The following PIK3C2G variants were observed in gnomAD, a reference collection of about 807,000 sequenced individuals.
PIK3C2G encodes phosphatidylinositol 3-kinase C2 domain-containing subunit gamma.
A neutral mutation model predicts 181.1 loss-of-function variants in PIK3C2G; 168 were observed. That is an observed-to-expected ratio of 0.93 (90% CI 0.82 to 1.05). The LOEUF (loss-of-function observed/expected upper bound fraction) is 1.05. Among genes scored for constraint, PIK3C2G ranks in the 50% least tolerant of loss-of-function variants. The pLI is 0.00. For missense variants in PIK3C2G, 1,869 were observed against 1,732.8 expected (o/e 1.08, Z -1.40); for synonymous variants, 573 against 592.2 (o/e 0.97, Z 0.47).
In PIK3C2G at chr12:18,599,340, C is replaced by A. The variant is rs866723521; in HGVS notation, c.4087+4771C>A. Among the ~76,000 whole-genome samples the A allele has an allele frequency of 6.1e-3, 921 of 152,182 alleles. 2 individuals carry two copies. The highest frequency in any genetic ancestry group is 0.01 in the Middle Eastern group (3 of 294). On this transcript the variant is annotated intron_variant, in intron 30 of 32. Transcript: ENST00000538779. Reference sequence around the variant, plus strand: ...GCCATAAAAAATGATGAGTTCATGTCCTTTGTAGGGACATGGATGAAATTG... The same window carrying A: ...GCCATAAAAAATGATGAGTTCATGTACTTTGTAGGGACATGGATGAAATTG...
At chr12:18,421,392 A>T (rs1945480121) in intron 17 of PIK3C2G, among the ~76,000 whole-genome samples, 1 of 152,046 alleles carries the variant, frequency 6.6e-6, no homozygotes, top group African/African-American at 2.4e-5. Context: ...TTCATAATTT[A>T]TGAGTTTCTT....
At chr12:18,357,298 G>GGTGT (rs368517946) in intron 11 of PIK3C2G, among the ~76,000 whole-genome samples, 2 of 150,546 alleles carry the variant, frequency 1.3e-5, no homozygotes, top group Non-Finnish European at 3.0e-5. Flanking sequence ...AGGAGGTGTG[G>GGTGT]GTGTGTGTGT....
rs913034715 is a variant in PIK3C2G, at chr12:18,592,765, T to C, written c.4012-1729T>C. On this transcript the variant is annotated intron_variant, in intron 29 of 32. Transcript: ENST00000538779. ...TTGACAGAATTGACCATATTTTATGTTGATGAGGAAAAACGGAAGAAGAGT... is the reference window on the plus strand; with the variant it reads ...TTGACAGAATTGACCATATTTTATGCTGATGAGGAAAAACGGAAGAAGAGT... Among the ~76,000 whole-genome samples, 7 of 152,076 alleles carry C rather than the reference T, an allele frequency of 4.6e-5. No homozygotes were observed. The East Asian group carries it at 1.4e-3, about 29-fold the overall frequency.
At chr12:18,327,659 T>C (rs1277925563) in intron 8 of PIK3C2G, among the ~76,000 whole-genome samples, 1 of 152,064 alleles carries the variant, frequency 6.6e-6, no homozygotes, top group South Asian at 2.1e-4. Flanking sequence ...CTATAGAGAA[T>C]ATTTTTGAAT....
At chr12:18,671,894 T>C in the PIK3C2G span, among the ~76,000 whole-genome samples, 4 of 152,060 alleles carry the variant, frequency 2.6e-5, no homozygotes, top group African/African-American at 9.7e-5. Context: ...TGAAGGCTCA[T>C]CTCCCATATA....
intron 18 of PIK3C2G, among the ~76,000 whole-genome samples, chr12:18,433,032 T>C (rs559883493): frequency 2.2e-4 from 33 of 151,974 alleles, no homozygotes; most frequent in Non-Finnish European, 2.9e-4. Context: ...ATATTGAAAA[T>C]TGAGATATTT....
chr12:18,474,056 C>A (rs1300997837), intron 18 of PIK3C2G, among the ~76,000 whole-genome samples: 1 of 152,104 alleles, frequency 6.6e-6, no homozygotes, highest in African/African-American at 2.4e-5. Flanking sequence ...AGCTAGTATT[C>A]AAACTGCCTA....
In PIK3C2G at chr12:18,434,654, G is replaced by C. The variant is rs567448336; in HGVS notation, c.2504+10615G>C. 9.2e-5 allele frequency among the ~76,000 whole-genome samples: 14 copies of C among 152,260 alleles called. No individual in the cohort carries two copies. The East Asian group carries it at 2.7e-3, about 29-fold the overall frequency. On this transcript the variant is annotated intron_variant, in intron 18 of 32. Coordinates refer to ENST00000538779, the MANE Select transcript of PIK3C2G (RefSeq NM_001288772.2). Reference sequence around the variant, plus strand: ...TGGCAAAGGAAAGTGGTCCATGTATGTATATATACAGAAGCAAAATGCAGT... The same window carrying C: ...TGGCAAAGGAAAGTGGTCCATGTATCTATATATACAGAAGCAAAATGCAGT...
chr12:18,534,705 G>A lies in PIK3C2G; in HGVS notation c.3324-3451G>A, dbSNP rs1229503035. On this transcript the variant is annotated intron_variant, in intron 24 of 32. Transcript: ENST00000538779. ...GTCATTTGGATTAAAAAAAAAGAAA[G>A]GCTTCTGATCCTGACAAGGTTTGGG... Among the ~76,000 whole-genome samples, 4 of 150,468 alleles carry A rather than the reference G, an allele frequency of 2.7e-5. No individual in the cohort carries two copies. The East Asian group carries it at 7.8e-4, about 29-fold the overall frequency.
intron 32 of PIK3C2G, among the ~76,000 whole-genome samples, chr12:18,647,520 T>C (rs921794439): frequency 1.9e-4 from 29 of 152,154 alleles, no homozygotes; most frequent in Non-Finnish European, 1.0e-4. Context: ...GTTCTCTTTT[T>C]ATTTTTATGA....
Position 18,469,559 on chromosome 12 carries a change from A to G in PIK3C2G, c.2505-18890A>G, listed in dbSNP as rs566542145. ...GTTTATTTAAACTATTAAATATACT[A>G]CTCTGACTTTTGTCCTACGGATGCT... On this transcript the variant is annotated intron_variant, in intron 18 of 32. Coordinates refer to ENST00000538779, the MANE Select transcript of PIK3C2G (RefSeq NM_001288772.2). 2.0e-5 allele frequency among the ~76,000 whole-genome samples: 3 copies of G among 152,098 alleles called. No homozygotes were observed. In the South Asian group the frequency reaches 6.2e-4, roughly 32 times the overall value.
At position 18,412,310 on chromosome 12, in the gene PIK3C2G, G is replaced by T. The variant is rs539720806; in HGVS notation, c.2316-8631G>T. Among the ~76,000 whole-genome samples the T allele has an allele frequency of 5.3e-5, 8 of 152,242 alleles. No homozygotes were observed. The East Asian group carries it at 1.5e-3, about 29-fold the overall frequency. On this transcript the variant is annotated intron_variant, in intron 16 of 32. Transcript: ENST00000538779. Reference sequence around the variant, plus strand: ...GTACATCAGAGGTTCTAAAAGTGAGGCCTGAAATCCCCCAAATGCTTACAG... The same window carrying T: ...GTACATCAGAGGTTCTAAAAGTGAGTCCTGAAATCCCCCAAATGCTTACAG...
chr12:18,701,872 C>T, the PIK3C2G span: 3 of 1,501,180 alleles, frequency 2.0e-6, no homozygotes, highest in East Asian at 2.5e-5. Context: ...TCCAATTAGC[C>T]TACAGTAATA....
chr12:18,534,439 TC>T (rs1164138774), intron 24 of PIK3C2G, among the ~76,000 whole-genome samples: 1 of 152,034 alleles, frequency 6.6e-6, no homozygotes, highest in Non-Finnish European at 1.5e-5. Context: ...GGAAAAATGG[TC>T]ATAAGTTAAT....
Position 18,282,219 on chromosome 12 carries a change from G to T in PIK3C2G, c.138G>T (p.Glu46Asp). Residue 46 changes from glutamate (E) to aspartate (D), a missense_variant, in exon 2 of 33, where the codon GAG (glutamate) becomes GAT (aspartate). Transcript: ENST00000538779. ...VSLGFDQIVDEISGKIPHYES... is the reference protein window; with the variant it reads ...VSLGFDQIVDDISGKIPHYES... ...TGGGTTTTGATCAGATAGTAGATGA[G>T]ATCAGTGGCAAAATTCCACACTACG... The T allele has an allele frequency of 6.2e-7, 1 of 1,613,560 alleles. No individual in the cohort carries two copies. The highest frequency in any genetic ancestry group is 1.1e-5 in the South Asian group (1 of 91,068).
chr12:18,575,459 C>T (rs1049735368), intron 29 of PIK3C2G, among the ~76,000 whole-genome samples: 15 of 152,084 alleles, frequency 9.9e-5, no homozygotes, highest in African/African-American at 3.6e-4. Flanking sequence ...GTCATTTGGC[C>T]TCCAACATAG....
At chr12:18,594,670 TTTTAAG>T in intron 30 of PIK3C2G, 101 bp downstream of exon 30, 1 of 575,612 alleles carries the variant, frequency 1.7e-6, no homozygotes, top group Non-Finnish European at 3.0e-6. Context: ...TAAAATCTCT[TTTTAAG>T]AGTAAGACTT....
In PIK3C2G at chr12:18,377,892, C is replaced by T. The variant is rs12306736; in HGVS notation, c.1881-3874C>T. 4.0e-3 allele frequency among the ~76,000 whole-genome samples: 608 copies of T among 152,156 alleles called. 1 individual carries two copies. The highest frequency in any genetic ancestry group is 0.014 in the African/African-American group (567 of 41,510). On this transcript the variant is annotated intron_variant, in intron 13 of 32. Coordinates refer to ENST00000538779, the MANE Select transcript of PIK3C2G (RefSeq NM_001288772.2). ...CCTTTTTGAGATGGAGTTTCACTCT[C>T]GTTGCCCAGGCTGGAGTGCAATGGT...
At chr12:18,400,877 T>C (rs930809533) in intron 16 of PIK3C2G, among the ~76,000 whole-genome samples, 1 of 151,956 alleles carries the variant, frequency 6.6e-6, no homozygotes, top group African/African-American at 2.4e-5. Flanking sequence ...ATATATATAA[T>C]GGAATATATA....
Sources: allele counts gnomAD v4.1 joint callset (sites outside exome capture counted in the v4.1 genomes callset), GRCh38; gene constraint gnomAD v4.1.1; transcripts MANE v1.5; gene names NCBI Gene and HGNC (gene_info 2026-07-23, HGNC 2026-07-21).